RAC1: variants seen among roughly 807,000 people sequenced by gnomAD.
RAC1 encodes Rac family small GTPase 1.
Under a neutral mutation model 25.2 loss-of-function variants are expected in RAC1, and 2 were observed. The observed-to-expected ratio is 0.08, with a 90% CI of 0.03 to 0.25. The LOEUF is 0.25. RAC1 is among the 10% of genes least tolerant of loss of function. The pLI, the probability that RAC1 is intolerant of heterozygous loss-of-function variation, is 1.00. For synonymous variants in RAC1, 88 were observed against 94.0 expected, an observed-to-expected ratio of 0.94 and a Z score of 0.37; for missense variants, 50 against 235.7, an observed-to-expected ratio of 0.21 and a Z score of 5.16.
At chr7:6,401,604 C>G (rs951084806) in intron 4 of RAC1, 2 of 276,238 alleles carry the variant, frequency 7.2e-6, no homozygotes, top group Non-Finnish European at 1.4e-5. Context: ...CCCTTCCCCC[C>G]TTCCCCTGCG....
intron 1 of RAC1, among the ~76,000 whole-genome samples, chr7:6,383,686 G>A (rs1322869131): frequency 6.9e-6 from 1 of 145,858 alleles, no homozygotes; most frequent in African/African-American, 2.5e-5. Flanking sequence ...AGTAAAAGAA[G>A]TGATAATGAC....
chr7:6,376,672 G>GTTTTTTTTT (rs71008385), intron 1 of RAC1, among the ~76,000 whole-genome samples: 6 of 99,958 alleles, frequency 6.0e-5, no homozygotes, highest in African/African-American at 1.2e-4. Context: ...CAGCTAATTT[G>GTTTTTTTTT]TTTTTTTTTT....
intron 1 of RAC1, among the ~76,000 whole-genome samples, chr7:6,386,220 G>A (rs941454890): frequency 2.6e-5 from 4 of 152,168 alleles, no homozygotes; most frequent in Non-Finnish European, 4.4e-5. Flanking sequence ...AAATGTCTGG[G>A]ATGTATTGTG....
intron 5 of RAC1, 88 bp from the exon 6 acceptor site, chr7:6,402,228 C>T (rs914540548): frequency 2.3e-5 from 35 of 1,516,498 alleles, no homozygotes; most frequent in Non-Finnish European, 2.8e-5. Context: ...AGAAGGCGCC[C>T]GGGCCCCAGG....
At chr7:6,390,576 G>A (rs889679214) in intron 2 of RAC1, among the ~76,000 whole-genome samples, 4 of 151,528 alleles carry the variant, frequency 2.6e-5, no homozygotes, top group African/African-American at 9.7e-5. Context: ...CTCCAGCCTG[G>A]GTGACAGTGA....
At chr7:6,393,861 G>A (rs1783156590) in intron 3 of RAC1, among the ~76,000 whole-genome samples, 1 of 152,200 alleles carries the variant, frequency 6.6e-6, no homozygotes, top group African/African-American at 2.4e-5. Flanking sequence ...GACTCCTTCA[G>A]AGATAAGGAA....
chr7:6,398,865 T>G (rs1178851381), intron 3 of RAC1: 3 of 760,482 alleles, frequency 3.9e-6, no homozygotes, highest in Non-Finnish European at 6.4e-6. Context: ...CTTGATGAAA[T>G]AAACTTCATT....
At chr7:6,384,961 A>T (rs866288294) in intron 1 of RAC1, among the ~76,000 whole-genome samples, 1 of 151,218 alleles carries the variant, frequency 6.6e-6, no homozygotes, top group Admixed American at 6.6e-5. Flanking sequence ...GCACACCGCC[A>T]CACCCACCTA....
chr7:6,386,830 C>T (rs1324810114), intron 1 of RAC1, among the ~76,000 whole-genome samples: 5 of 150,836 alleles, frequency 3.3e-5, no homozygotes, highest in Admixed American at 3.3e-4. Context: ...AAGAAAATAT[C>T]TTCAGGATCA....
At chr7:6,393,222 T>C (rs1783137020) in intron 3 of RAC1, among the ~76,000 whole-genome samples, 1 of 152,194 alleles carries the variant, frequency 6.6e-6, no homozygotes. Context: ...AATAACTTAG[T>C]GGTTAAGTCT....
intron 1 of RAC1, among the ~76,000 whole-genome samples, chr7:6,382,763 C>G (rs1244794224): frequency 6.6e-6 from 1 of 152,288 alleles, no homozygotes; most frequent in East Asian, 1.9e-4. Context: ...GTCCCAGCTA[C>G]TTGGGAGGCT....
At chr7:6,382,512 T>C (rs1583259491) in intron 1 of RAC1, among the ~76,000 whole-genome samples, 1 of 152,140 alleles carries the variant, frequency 6.6e-6, no homozygotes, top group Admixed American at 6.5e-5. Flanking sequence ...TAAGTTTTGG[T>C]TTATAGATTT....
intron 1 of RAC1, among the ~76,000 whole-genome samples, chr7:6,380,881 C>G (rs754520775): frequency 2.0e-5 from 3 of 152,032 alleles, no homozygotes; most frequent in Non-Finnish European, 1.5e-5. Flanking sequence ...TTGTTTTGCT[C>G]TTTTTGAGGT....
intron 1 of RAC1, among the ~76,000 whole-genome samples, chr7:6,378,553 A>T (rs1782671419): frequency 1.3e-5 from 2 of 152,192 alleles, no homozygotes; most frequent in South Asian, 4.1e-4. Flanking sequence ...TCTTGAAAAA[A>T]AAAGAAAAAA....
chr7:6,398,646 T>C, intron 3 of RAC1: 1 of 1,612,038 alleles, frequency 6.2e-7, no homozygotes, highest in Non-Finnish European at 8.5e-7. Flanking sequence ...CAAACCAAGT[T>C]CTCATGCATT....
intron 1 of RAC1, among the ~76,000 whole-genome samples, chr7:6,382,748 G>C (rs1283917873): frequency 2.0e-5 from 3 of 152,094 alleles, no homozygotes; most frequent in Non-Finnish European, 4.4e-5. Flanking sequence ...TGGTGCTTAC[G>C]TGTAGTCCCA....
intron 4 of RAC1, among the ~76,000 whole-genome samples, 183 bp downstream of exon 4, chr7:6,400,371 C>A (rs1302852104): frequency 1.3e-5 from 2 of 151,676 alleles, no homozygotes; most frequent in Non-Finnish European, 2.9e-5. Context: ...CTGTTGTGTC[C>A]AGGCTGGAGT....
chr7:6,398,221 A>C (rs1783301606), intron 3 of RAC1, among the ~76,000 whole-genome samples: 1 of 152,250 alleles, frequency 6.6e-6, no homozygotes, highest in Non-Finnish European at 1.5e-5. Context: ...TTTGGCAGGC[A>C]TCATTTACAG....
At chr7:6,377,691 G>A (rs555752692) in intron 1 of RAC1, among the ~76,000 whole-genome samples, 1 of 152,310 alleles carries the variant, frequency 6.6e-6, no homozygotes, top group Admixed American at 6.5e-5. Flanking sequence ...GAGGTGGGCG[G>A]TTCACCTGAG....
Sources: gnomAD v4.1 joint callset for allele counts (sites outside exome capture counted in the v4.1 genomes callset) on GRCh38, gnomAD v4.1.1 for gene constraint, MANE v1.5 for transcripts, NCBI Gene and HGNC (gene_info 2026-07-23, HGNC 2026-07-21) for gene names.